Variants in LIN7A observed in about 807,000 individuals in gnomAD.
LIN7A encodes the protein lin-7 cell polarity scaffold A, also known as protein lin-7 homolog A.
LIN7A carries 25 observed loss-of-function variants against 29.8 expected under a neutral mutation model. That is an observed-to-expected ratio of 0.84 (90% CI 0.61 to 1.17). LIN7A has a LOEUF of 1.17. Ranked by LOEUF, LIN7A falls within the 50% of genes most tolerant of loss-of-function variation. LIN7A has a pLI of 0.00. For synonymous variants in LIN7A, 118 were observed against 107.5 expected, an observed-to-expected ratio of 1.10 and a Z score of -0.60; for missense variants, 239 against 287.0, an observed-to-expected ratio of 0.83 and a Z score of 1.21.
intron 2 of LIN7A, among the ~76,000 whole-genome samples, chr12:80,872,304 C>T (rs571597231): frequency 1.3e-5 from 2 of 152,238 alleles, no homozygotes; most frequent in South Asian, 4.2e-4. Flanking sequence ...AGTCCTCCCT[C>T]AGCTATAATG....
chr12:80,830,098 T>C (rs1271770617), intron 4 of LIN7A, among the ~76,000 whole-genome samples: 2 of 152,160 alleles, frequency 1.3e-5, no homozygotes, highest in Non-Finnish European at 2.9e-5. Flanking sequence ...CAGGAGAACA[T>C]GCAATTTTTT....
At chr12:80,932,118 C>T (rs1877946962) in intron 1 of LIN7A, among the ~76,000 whole-genome samples, 2 of 152,132 alleles carry the variant, frequency 1.3e-5, no homozygotes, top group South Asian at 4.1e-4. Context: ...TATAGGCTTC[C>T]CAGGGCTTGA....
chr12:80,815,058 C>T (rs560747515), intron 4 of LIN7A, among the ~76,000 whole-genome samples: 2 of 152,288 alleles, frequency 1.3e-5, no homozygotes, highest in East Asian at 3.9e-4. Context: ...ATTTCAAACA[C>T]TCCTCAACTT....
At chr12:80,910,462 A>G (rs1876697045) in intron 1 of LIN7A, among the ~76,000 whole-genome samples, 1 of 152,286 alleles carries the variant, frequency 6.6e-6, no homozygotes, top group East Asian at 1.9e-4. Context: ...CTTGTTCTCA[A>G]TCTTAAGAGT....
intron 5 of LIN7A, among the ~76,000 whole-genome samples, chr12:80,798,857 T>C (rs1465382642): frequency 1.3e-5 from 2 of 151,582 alleles, no homozygotes; most frequent in East Asian, 3.9e-4. Flanking sequence ...CTCAGCCTCC[T>C]GAGTAGCTGG....
chr12:80,937,543 T>A (rs985280428), intron 1 of LIN7A, 98 bp downstream of exon 1: 3 of 856,570 alleles, frequency 3.5e-6, no homozygotes, highest in South Asian at 2.6e-5. Flanking sequence ...CTTCTCCTCC[T>A]GCCTGAGCGC....
intron 2 of LIN7A, among the ~76,000 whole-genome samples, chr12:80,881,564 T>TA (rs373996837): frequency 6.6e-6 from 1 of 151,774 alleles, no homozygotes; most frequent in Non-Finnish European, 1.5e-5. Context: ...TTAAATACAT[T>TA]AAAAAAATAT....
At chr12:80,872,724 T>C (rs1466095594) in intron 2 of LIN7A, among the ~76,000 whole-genome samples, 1 of 152,236 alleles carries the variant, frequency 6.6e-6, no homozygotes, top group East Asian at 1.9e-4. Context: ...AGTTAATGTC[T>C]AGCATTCTCA....
intron 1 of LIN7A, among the ~76,000 whole-genome samples, chr12:80,900,206 A>G (rs1375271175): frequency 6.6e-6 from 1 of 152,038 alleles, no homozygotes; most frequent in Admixed American, 6.6e-5. Context: ...TTCTTTCAAA[A>G]AACAAGCTCC....
chr12:80,915,944 T>C (rs1592948029), intron 1 of LIN7A, among the ~76,000 whole-genome samples: 1 of 152,050 alleles, frequency 6.6e-6, no homozygotes, highest in Non-Finnish European at 1.5e-5. Context: ...ACTGCCTGGG[T>C]GATGGATTCA....
At chr12:80,911,798 T>A (rs529257031) in intron 1 of LIN7A, among the ~76,000 whole-genome samples, 130 of 152,346 alleles carry the variant, frequency 8.5e-4, no homozygotes, top group Admixed American at 1.2e-3. Flanking sequence ...ATCCCAGTAC[T>A]TAATTCACAT....
intron 2 of LIN7A, among the ~76,000 whole-genome samples, chr12:80,853,720 G>A (rs537758966): frequency 1.1e-3 from 163 of 151,244 alleles, no homozygotes; most frequent in Non-Finnish European, 2.3e-3. Flanking sequence ...TTTTTGAGAC[G>A]GAGTCTCACT....
At chr12:80,881,629 TTATA>T (rs10557270) in intron 2 of LIN7A, among the ~76,000 whole-genome samples, 45 of 150,388 alleles carry the variant, frequency 3.0e-4, no homozygotes, top group African/African-American at 7.8e-4. Context: ...TAAAGCTAAG[TTATA>T]TATATATATA....
chr12:80,923,953 T>C (rs1243936729), intron 1 of LIN7A, among the ~76,000 whole-genome samples: 3 of 152,224 alleles, frequency 2.0e-5, no homozygotes, highest in Admixed American at 2.0e-4. Context: ...TGTTGCCTTA[T>C]AAGTTTATTG....
chr12:80,897,212 C>T (rs1272523682), intron 1 of LIN7A, among the ~76,000 whole-genome samples: 1 of 151,402 alleles, frequency 6.6e-6, no homozygotes, highest in Non-Finnish European at 1.5e-5. Context: ...TTTTTTTCTC[C>T]TTATTATTTG....
intron 2 of LIN7A, among the ~76,000 whole-genome samples, chr12:80,876,533 A>C (rs575102795): frequency 4.6e-5 from 7 of 152,334 alleles, no homozygotes; most frequent in Non-Finnish European, 7.3e-5. Flanking sequence ...AAAACTACTA[A>C]TAAGACTACA....
intron 1 of LIN7A, among the ~76,000 whole-genome samples, chr12:80,898,823 C>T (rs1292184774): frequency 2.0e-5 from 3 of 152,072 alleles, no homozygotes; most frequent in African/African-American, 4.8e-5. Context: ...CTGATTTTTG[C>T]GCATTGTTTT....
intron 1 of LIN7A, among the ~76,000 whole-genome samples, chr12:80,933,759 A>G (rs1372223334): frequency 6.6e-6 from 1 of 151,872 alleles, no homozygotes; most frequent in Non-Finnish European, 1.5e-5. Flanking sequence ...CTCACTTTCT[A>G]CAGGACTCTT....
chr12:80,936,639 A>C, intron 1 of LIN7A: 1 of 152,590 alleles, frequency 6.6e-6, no homozygotes, highest in Non-Finnish European at 1.5e-5. Flanking sequence ...TGGACGCTGG[A>C]GCCAGGAAGG....
Sources: allele counts gnomAD v4.1 joint callset (sites outside exome capture counted in the v4.1 genomes callset), GRCh38; gene constraint gnomAD v4.1.1; transcripts MANE v1.5; gene names NCBI Gene and HGNC (gene_info 2026-07-23, HGNC 2026-07-21).